Variants in RDX observed in about 807,000 individuals in gnomAD.
The protein encoded by RDX is deafness, autosomal recessive 24.
Under a neutral mutation model 83.7 loss-of-function variants are expected in RDX, and 32 were observed. The observed-to-expected ratio is 0.38, with a 90% CI of 0.29 to 0.51. The LOEUF (loss-of-function observed/expected upper bound fraction) is 0.51. Among genes scored for constraint, RDX ranks in the 20% least tolerant of loss-of-function variants. RDX has a pLI of 0.87. For missense variants in RDX, 600 were observed against 689.9 expected, an observed-to-expected ratio of 0.87 and a Z score of 1.46; for synonymous variants, 229 against 222.7, an observed-to-expected ratio of 1.03 and a Z score of -0.25.
chr11:110,254,136 A>G, intron 8 of RDX, 27 bp from the exon 9 acceptor site: 1 of 1,595,036 alleles, frequency 6.3e-7, no homozygotes, highest in Non-Finnish European at 8.6e-7. Context: ...CTGAATTTAA[A>G]ATCTTCCTCA....
intron 10 of RDX, among the ~76,000 whole-genome samples, chr11:110,239,938 C>G (rs1565309321): frequency 2.0e-5 from 3 of 151,660 alleles, no homozygotes; most frequent in Non-Finnish European, 4.4e-5. Flanking sequence ...TTAGTAAGGC[C>G]GCTATGTAGA....
intron 10 of RDX, among the ~76,000 whole-genome samples, chr11:110,243,109 G>A (rs942213124): frequency 6.6e-6 from 1 of 152,040 alleles, no homozygotes; most frequent in African/African-American, 2.4e-5. Context: ...AATTTTTTGA[G>A]CATTTGCATG....
chr11:110,206,973 TTTTA>T (rs1287214279), intron 14 of RDX, among the ~76,000 whole-genome samples: 2 of 152,074 alleles, frequency 1.3e-5, no homozygotes, highest in Non-Finnish European at 2.9e-5. Context: ...AATTATTTTA[TTTTA>T]TTTTATTTTT....
intron 3 of RDX, among the ~76,000 whole-genome samples, chr11:110,267,561 CACACAAAT>C (rs1860105148): frequency 2.1e-5 from 3 of 143,740 alleles, no homozygotes; most frequent in South Asian, 4.3e-4. Context: ...CACACACACA[CACACAAAT>C]AATCTTAAAA....
intron 14 of RDX, among the ~76,000 whole-genome samples, chr11:110,221,601 AAC>A (rs60766252): frequency 0.039 from 5,239 of 133,458 alleles, 137 homozygotes; most frequent in African/African-American, 0.061. Flanking sequence ...CTGTCTCCAA[AAC>A]ACACACACAC....
chr11:110,220,668 T>C (rs1864212401), intron 14 of RDX, among the ~76,000 whole-genome samples: 1 of 152,054 alleles, frequency 6.6e-6, no homozygotes, highest in Non-Finnish European at 1.5e-5. Flanking sequence ...TTGGCTAATT[T>C]TTGTATTTTT....
intron 15 of RDX, among the ~76,000 whole-genome samples, chr11:110,183,413 A>C (rs1214850721): frequency 6.6e-6 from 1 of 152,168 alleles, no homozygotes; most frequent in Non-Finnish European, 1.5e-5. Flanking sequence ...CTGCAGCTGC[A>C]AACTCCTGGG....
intron 14 of RDX, among the ~76,000 whole-genome samples, chr11:110,221,981 T>C (rs1864266219): frequency 6.6e-6 from 1 of 150,742 alleles, no homozygotes; most frequent in South Asian, 2.1e-4. Context: ...GCTCTGAAAA[T>C]CACTGATTAA....
intron 10 of RDX, among the ~76,000 whole-genome samples, chr11:110,242,839 G>A (rs1386163830): frequency 1.3e-5 from 2 of 151,466 alleles, no homozygotes; most frequent in Non-Finnish European, 2.9e-5. Context: ...GCAAACTATG[G>A]CTCATGGAGC....
chr11:110,229,064 C>T (rs556749651), downstream of RDX, among the ~76,000 whole-genome samples: 1 of 151,912 alleles, frequency 6.6e-6, no homozygotes, highest in South Asian at 2.1e-4. Flanking sequence ...AGAACATGTA[C>T]TTACATAAAT....
chr11:110,263,177 A>T, intron 5 of RDX, among the ~76,000 whole-genome samples: 1 of 151,978 alleles, frequency 6.6e-6, no homozygotes, highest in Non-Finnish European at 1.5e-5. Flanking sequence ...CGGGAGGCTG[A>T]GGCAGGAGAA....
chr11:110,206,718 G>A (rs1014492642), intron 14 of RDX, among the ~76,000 whole-genome samples: 1 of 152,140 alleles, frequency 6.6e-6, no homozygotes, highest in African/African-American at 2.4e-5. Flanking sequence ...AGAAAGTAAT[G>A]AAGGAAAAAT....
At chr11:110,282,966 G>C (rs1014675913) in intron 1 of RDX, among the ~76,000 whole-genome samples, 3 of 151,970 alleles carry the variant, frequency 2.0e-5, no homozygotes, top group African/African-American at 7.2e-5. Context: ...AACAGGGCAA[G>C]ATTCTGTCTA....
At chr11:110,241,464 T>C (rs1277370099) in intron 10 of RDX, among the ~76,000 whole-genome samples, 1 of 152,076 alleles carries the variant, frequency 6.6e-6, no homozygotes, top group Admixed American at 6.6e-5. Context: ...ACCCAGCTAA[T>C]TTTTTTATTT....
chr11:110,257,633 C>T, intron 7 of RDX, 134 bp downstream of exon 7: 1 of 896,518 alleles, frequency 1.1e-6, no homozygotes, highest in Non-Finnish European at 1.8e-6. Flanking sequence ...GTCTATGTGT[C>T]ATTAATTCAT....
chr11:110,203,432 A>G (rs887531472), intron 14 of RDX, among the ~76,000 whole-genome samples: 2 of 146,054 alleles, frequency 1.4e-5, no homozygotes, highest in African/African-American at 2.5e-5. Flanking sequence ...AAAAAAAAAA[A>G]GTAGAAAGAA....
intron 14 of RDX, among the ~76,000 whole-genome samples, chr11:110,200,070 C>T (rs1209644162): frequency 6.6e-6 from 1 of 152,092 alleles, no homozygotes; most frequent in Non-Finnish European, 1.5e-5. Flanking sequence ...TGTGTTCTAC[C>T]AGATTTTATA....
At chr11:110,251,812 CA>C (rs1028486452) in intron 9 of RDX, among the ~76,000 whole-genome samples, 1 of 152,010 alleles carries the variant, frequency 6.6e-6, no homozygotes. Flanking sequence ...TTTTCATTGC[CA>C]AAAAACCCCT....
At chr11:110,293,445 T>G (rs1210912185) in intron 1 of RDX, among the ~76,000 whole-genome samples, 2 of 152,052 alleles carry the variant, frequency 1.3e-5, no homozygotes, top group Non-Finnish European at 2.9e-5. Flanking sequence ...GAACTTAAAG[T>G]AGGAAAGGCA....
Sources: gnomAD v4.1 joint callset for allele counts (sites outside exome capture counted in the v4.1 genomes callset) on GRCh38, gnomAD v4.1.1 for gene constraint, MANE v1.5 for transcripts, NCBI Gene and HGNC (gene_info 2026-07-23, HGNC 2026-07-21) for gene names.